Variants in UPF1 observed in about 807,000 individuals in gnomAD.
UPF1 encodes UPF1 RNA helicase and ATPase, also known as regulator of nonsense transcripts 1.
In UPF1, 9 loss-of-function variants were observed where a neutral mutation model predicts 129.2. The observed-to-expected ratio is 0.07, with a 90% CI of 0.04 to 0.12. The LOEUF (loss-of-function observed/expected upper bound fraction) is 0.12, where lower values mean the gene tolerates loss of function less well. Ranked by LOEUF, UPF1 falls within the 10% of genes least tolerant of loss-of-function variation. The probability of loss-of-function intolerance (pLI) is 1.00; values close to 1 mark genes in which losing one functional copy is unlikely to be tolerated. For synonymous variants in UPF1, 649 were observed against 644.9 expected (o/e 1.01, Z -0.10); for missense variants, 788 against 1,525.3 (o/e 0.52, Z 8.05).
intron 15 of UPF1, chr19:18,859,909 C>T (rs1037706825): frequency 2.5e-5 from 4 of 159,272 alleles, no homozygotes; most frequent in Non-Finnish European, 5.5e-5. Context: ...GACAAGGCTG[C>T]AGGGCAGGGG....
At chr19:18,855,365 G>A (rs2055705449) in intron 11 of UPF1, 123 bp downstream of exon 11, 7 of 1,025,532 alleles carry the variant, frequency 6.8e-6, no homozygotes, top group East Asian at 2.5e-5. Flanking sequence ...GGGTAGTGTC[G>A]CCATGGTGCC....
intron 1 of UPF1, among the ~76,000 whole-genome samples, chr19:18,833,842 G>A (rs2055455099): frequency 6.6e-6 from 1 of 152,172 alleles, no homozygotes; most frequent in South Asian, 2.1e-4. Context: ...AGTCGATTGA[G>A]TCACTCTCGT....
rs1433831509 is a variant in UPF1 at position 18,853,231 on chromosome 19, C to T, written c.1058-21C>T. 6.2e-7 allele frequency: 1 copy of T among 1,605,354 alleles called. No individual in the cohort carries two copies. Among genetic ancestry groups the T allele is most frequent in the Admixed American group, 1.7e-5 (1 of 58,806 alleles). ...ACGGCGTGGGTTAAAATGGCCACCT[C>T]TCTCACTTTTTTACCTCAAGACATG... On this transcript the variant is annotated intron_variant, in intron 7 of 23. Transcript: ENST00000262803. The surrounding 1 kb of genome is among the most constrained non-coding windows in gnomAD (Gnocchi z 4.4).
rs10682791 is a variant in UPF1, at chr19:18,864,733, GTTTTTTTTTTT to G, written c.2857+495_2857+505del. ...CACTGCACCTGGCCAATTTGCAGGT[GTTTTTTTTTTT>G]TTTTTTTTTTTTGGAGACCGAGTCT... On this transcript the variant is annotated intron_variant, in intron 20 of 23. Transcript: ENST00000262803. 9.5e-5 allele frequency among the ~76,000 whole-genome samples: 7 copies of G among 73,554 alleles called. No individual in the cohort carries two copies. The South Asian group carries it at 2.3e-3, about 24-fold the overall frequency. 48.3% of individuals were successfully genotyped at this position (73,554 alleles called of 152,430 possible). A position where few individuals can be genotyped will look rare whatever the true frequency, so the allele number is the denominator to read the frequency against.
intron 6 of UPF1, 49 bp from the exon 7 acceptor site, chr19:18,852,938 C>T (rs749247032): frequency 1.9e-5 from 29 of 1,529,020 alleles, no homozygotes; most frequent in Admixed American, 8.7e-5. Flanking sequence ...AGGCCAGGCC[C>T]GGGCCTGTGC....
intron 15 of UPF1, 69 bp from the exon 16 acceptor site, chr19:18,860,252 C>A (rs554848499): frequency 2.0e-6 from 3 of 1,504,522 alleles, no homozygotes; most frequent in African/African-American, 2.7e-5. Flanking sequence ...AACTACATTG[C>A]CCTGTGTCTG....
At chr19:18,839,955 G>A (rs1278223074) in intron 1 of UPF1, among the ~76,000 whole-genome samples, 2 of 152,194 alleles carry the variant, frequency 1.3e-5, no homozygotes, top group East Asian at 1.9e-4. Context: ...GCCAGGCAGA[G>A]GGGTGGGCAC....
chr19:18,865,783 G>A lies in UPF1; in HGVS notation c.3237+5G>A. The A allele has an allele frequency of 6.2e-7, 1 of 1,612,470 alleles. No individual in the cohort carries two copies. On this transcript the variant is annotated splice_donor_5th_base_variant and intron_variant, in intron 22 of 23. Transcript: ENST00000262803. This position sits in a 1 kb window ranked among gnomAD's most constrained non-coding sequence, Gnocchi z 6.1. ...TCCCAGCCGGAGCTGTCCCAGGTGA[G>A]CCCGCCCCTGGGACGGGACTTACCT...
At chr19:18,837,213 C>G (rs2055493079) in intron 1 of UPF1, among the ~76,000 whole-genome samples, 1 of 150,994 alleles carries the variant, frequency 6.6e-6, no homozygotes. Flanking sequence ...CCTCAGCCTC[C>G]CAAGTAGCTG....
intron 1 of UPF1, among the ~76,000 whole-genome samples, chr19:18,833,808 C>A (rs2055454580): frequency 6.6e-6 from 1 of 152,136 alleles, no homozygotes; most frequent in African/African-American, 2.4e-5. Flanking sequence ...CAGACCCTGT[C>A]CTTGCATGGG....
rs1281202604 is a variant in UPF1 at position 18,850,241 on chromosome 19, A to C, written c.628A>C (p.Arg210=). ...TGACTCAGTGGTGGTGCTGCTGTGC[A>C]GGTGAGTGGTCCCCAGATGTCTCCT... ...KADSVVVLLC[R]QPCASQSSLK... is the part of the protein sequence containing the mutation. Residue 210 remains arginine, a splice_region_variant and synonymous_variant, in exon 4 of 24, where the codon AGG becomes CGG. Coordinates refer to ENST00000262803, the MANE Select transcript of UPF1 (RefSeq NM_002911.4). This position sits in a 1 kb window ranked among gnomAD's most constrained non-coding sequence, Gnocchi z 7.1. 20 of 1,601,232 alleles carry C rather than the reference A, an allele frequency of 1.2e-5. No individual in the cohort carries two copies. In the Admixed American group the frequency reaches 3.4e-4, roughly 27 times the overall value.
In UPF1 at chr19:18,868,161, A is replaced by C. The variant is rs148071132; in HGVS notation, c.*1644A>C. 98 of 235,594 alleles carry C rather than the reference A, an allele frequency of 4.2e-4. No individual in the cohort carries two copies. The highest frequency in any genetic ancestry group is 4.7e-4 in the Non-Finnish European group (55 of 116,934). 14.6% of individuals were successfully genotyped at this position (235,594 alleles called of 1,614,324 possible). On this transcript the variant is annotated 3_prime_UTR_variant, in exon 24 of 24. Transcript: ENST00000262803. ...AACCCAGGCGCACTGTACCAAGGCA[A>C]TGTAACTTTTGATTTTCGGTCAATT...
At chr19:18,864,122 T>A in intron 19 of UPF1, 48 bp from the exon 20 acceptor site, 1 of 1,575,662 alleles carries the variant, frequency 6.3e-7, no homozygotes, top group Non-Finnish European at 8.7e-7. Context: ...TGGGAAGTTG[T>A]TCCTTCTGTT....
At position 18,832,434 on chromosome 19, in the gene UPF1, C is replaced by T; in HGVS notation, c.225C>T (p.Asp75=). The T allele has an allele frequency of 1.0e-6, 1 of 996,738 alleles. No individual in the cohort carries two copies. Among genetic ancestry groups the T allele is most frequent in the South Asian group, 4.5e-5 (1 of 22,200 alleles). 61.7% of individuals were successfully genotyped at this position (996,738 alleles called of 1,614,324 possible). A position where few individuals can be genotyped will look rare whatever the true frequency, so the allele number is the denominator to read the frequency against. The change falls in exon 1 of 24, where the codon GAC becomes GAT. Residue 75 remains aspartate (D), a synonymous_variant. Coordinates refer to ENST00000262803, the MANE Select transcript of UPF1 (RefSeq NM_002911.4). This position sits in a 1 kb window ranked among gnomAD's most constrained non-coding sequence, Gnocchi z 5.6. The part of the protein sequence containing the change: ...AGAGAAAGQL[D]AQVGPEGILQ... Reference sequence around the variant, plus strand: ...CGGGCGCTGCGGCGGGACAGCTCGACGCGCAGGTGAGCGGCACATGGCGGT... The same window carrying T: ...CGGGCGCTGCGGCGGGACAGCTCGATGCGCAGGTGAGCGGCACATGGCGGT...
chr19:18,850,712 C>A lies in UPF1; in HGVS notation c.654C>A (p.Ser218Arg). Residue 218 changes from serine to arginine, a missense_variant, in exon 5 of 24, where the codon AGC becomes AGA. Physicochemically the swap from Ser to Arg is moderately radical, Grantham distance 110. Around this residue, in one of 6 missense-constraint regions of UPF1, gnomAD observed 227 missense variants for 517.9 expected, o/e 0.44. Transcript: ENST00000262803. The surrounding 1 kb of genome is among the most constrained non-coding windows in gnomAD (Gnocchi z 7.1). ...LCRQPCASQS[S>R]LKDINWDSSQ... ...GGCAGCCCTGTGCCAGCCAGAGCAG[C>A]CTCAAGGACATCAACTGGGACAGCT... The A allele has an allele frequency of 6.2e-7, 1 of 1,606,894 alleles. No individual in the cohort carries two copies. The highest frequency in any genetic ancestry group is 1.1e-5 in the South Asian group (1 of 90,430).
rs765350690 is a variant in UPF1 at position 18,850,684 on chromosome 19, G to A, written c.630-4G>A. 8.9e-6 allele frequency: 14 copies of A among 1,572,792 alleles called. No homozygotes were observed. The highest frequency in any genetic ancestry group is 6.8e-5 in the African/African-American group (5 of 73,984). On this transcript the variant is annotated splice_polypyrimidine_tract_variant and splice_region_variant and intron_variant, in intron 4 of 23. Transcript: ENST00000262803. This position sits in a 1 kb window ranked among gnomAD's most constrained non-coding sequence, Gnocchi z 7.1. ...GGTCCTCACGGCCCCCTCCCGCTCT[G>A]CAGGCAGCCCTGTGCCAGCCAGAGC...
Position 18,860,173 on chromosome 19 carries a change from C to T in UPF1, c.2183-148C>T, listed in dbSNP as rs760045683. On this transcript the variant is annotated intron_variant, in intron 15 of 23. Coordinates refer to ENST00000262803, the MANE Select transcript of UPF1 (RefSeq NM_002911.4). ...GGCATCTCTGGCCAGGGGACCGGCTCAGGTGACCTCACCAGGGCCTCACAG... is the reference window on the plus strand; with the variant it reads ...GGCATCTCTGGCCAGGGGACCGGCTTAGGTGACCTCACCAGGGCCTCACAG... 242 of 805,788 alleles carry T rather than the reference C, an allele frequency of 3.0e-4. 1 individual carries two copies. The highest frequency in any genetic ancestry group is 9.9e-4 in the Middle Eastern group (3 of 3,020). 49.9% of individuals were successfully genotyped at this position (805,788 alleles called of 1,614,324 possible). A position where few individuals can be genotyped will look rare whatever the true frequency, so the allele number is the denominator to read the frequency against.
chr19:18,858,038 C>T (rs764735512), intron 15 of UPF1, among the ~76,000 whole-genome samples: 8 of 152,210 alleles, frequency 5.3e-5, no homozygotes, highest in Non-Finnish European at 1.2e-4. Flanking sequence ...AGACTGTGCC[C>T]GGATCACAGT....
At chr19:18,866,465 C>G (rs898302832) in intron 23 of UPF1, 56 bp from the exon 24 acceptor site, 9 of 343,078 alleles carry the variant, frequency 2.6e-5, no homozygotes, top group African/African-American at 8.6e-5. Flanking sequence ...TGCTGGGTAC[C>G]TGTGGGGCTC....
Sources: allele counts gnomAD v4.1 joint callset (sites outside exome capture counted in the v4.1 genomes callset), GRCh38; gene constraint gnomAD v4.1.1; regional missense constraint gnomAD v4.1.1; non-coding constraint Gnocchi (gnomAD v3.1); transcripts MANE v1.5; gene names NCBI Gene and HGNC (gene_info 2026-07-23, HGNC 2026-07-21).